Variants in CPNE8 observed in about 807,000 individuals in gnomAD.
CPNE8 encodes copine 8.
A neutral mutation model predicts 81.5 loss-of-function variants in CPNE8; 45 were observed. That is an observed-to-expected ratio of 0.55 (90% CI 0.44 to 0.71). The LOEUF (loss-of-function observed/expected upper bound fraction) is 0.71, where lower values mean the gene tolerates loss of function less well. Ranked by LOEUF, CPNE8 falls within the 30% of genes least tolerant of loss-of-function variation. The probability of loss-of-function intolerance (pLI) is 0.00; values close to 1 mark genes in which losing one functional copy is unlikely to be tolerated. For synonymous variants in CPNE8, 252 were observed against 226.3 expected (o/e 1.11, Z -1.02); for missense variants, 594 against 672.1 (o/e 0.88, Z 1.28).
intron 11 of CPNE8, among the ~76,000 whole-genome samples, chr12:38,727,062 TA>T (rs1166852181): frequency 7.9e-5 from 12 of 152,072 alleles, no homozygotes; most frequent in African/African-American, 2.9e-4. Context: ...AATGATAGAG[TA>T]AGGCCCTCTG....
chr12:38,782,339 G>A (rs1942073147), intron 6 of CPNE8, among the ~76,000 whole-genome samples: 1 of 152,244 alleles, frequency 6.6e-6, no homozygotes, highest in East Asian at 1.9e-4. Flanking sequence ...AATTTTAGAA[G>A]AGGAAAATAT....
chr12:38,745,405 T>C (rs912384176), intron 10 of CPNE8, among the ~76,000 whole-genome samples: 1 of 152,226 alleles, frequency 6.6e-6, no homozygotes, highest in Non-Finnish European at 1.5e-5. Flanking sequence ...GGAATTTTAT[T>C]GCATTCTTGG....
At chr12:38,837,584 G>A (rs566018668) in intron 5 of CPNE8, among the ~76,000 whole-genome samples, 1 of 152,184 alleles carries the variant, frequency 6.6e-6, no homozygotes, top group South Asian at 2.1e-4. Context: ...GGGATAAGAG[G>A]AGGAAATAAA....
At chr12:38,830,758 C>A (rs1332101831) in intron 5 of CPNE8, among the ~76,000 whole-genome samples, 2 of 152,102 alleles carry the variant, frequency 1.3e-5, no homozygotes, top group East Asian at 3.9e-4. Context: ...AAAAGCCAAC[C>A]TATGGTGAGG....
chr12:38,794,915 C>T (rs892615455), intron 6 of CPNE8, among the ~76,000 whole-genome samples: 5 of 152,146 alleles, frequency 3.3e-5, no homozygotes, highest in African/African-American at 9.7e-5. Flanking sequence ...GGGCACCATC[C>T]AATCAATTGT....
chr12:38,741,822 G>T (rs4259868), intron 10 of CPNE8, among the ~76,000 whole-genome samples: 122,547 of 151,908 alleles, frequency 0.81, 52,375 homozygotes, highest in Middle Eastern at 0.97. Flanking sequence ...AAACAAATTT[G>T]CAAGAAAAAA....
At chr12:38,815,335 C>T (rs992414029) in intron 6 of CPNE8, among the ~76,000 whole-genome samples, 2 of 152,168 alleles carry the variant, frequency 1.3e-5, no homozygotes, top group African/African-American at 4.8e-5. Flanking sequence ...TTTATTTTTA[C>T]AATCTCACCT....
chr12:38,786,565 T>C lies in CPNE8; in HGVS notation c.408-10264A>G, dbSNP rs149625263. Reference sequence around the variant, plus strand: ...TGATCCTCAGCCTGCAGATGGCCTATTATGGGACTTTGTGATCGTGTGAGT... The same window carrying C: ...TGATCCTCAGCCTGCAGATGGCCTACTATGGGACTTTGTGATCGTGTGAGT... On this transcript the variant is annotated intron_variant, in intron 6 of 19. Coordinates refer to ENST00000331366, the MANE Select transcript of CPNE8 (RefSeq NM_153634.3). Among the ~76,000 whole-genome samples the C allele has an allele frequency of 3.5e-4, 54 of 152,256 alleles. No individual in the cohort carries two copies. In the East Asian group the frequency reaches 0.01, roughly 29 times the overall value.
At chr12:38,857,488 G>A (rs1485751299) in intron 3 of CPNE8, among the ~76,000 whole-genome samples, 1 of 151,296 alleles carries the variant, frequency 6.6e-6, no homozygotes. Context: ...CTTTATCAAT[G>A]TCGATATTCT....
At chr12:38,731,488 A>C (rs1940830167) in intron 10 of CPNE8, among the ~76,000 whole-genome samples, 2 of 151,916 alleles carry the variant, frequency 1.3e-5, no homozygotes, top group Non-Finnish European at 2.9e-5. Flanking sequence ...TGCAATAAAA[A>C]AATGTTTTTA....
chr12:38,728,953 C>A (rs1481298962), intron 11 of CPNE8, among the ~76,000 whole-genome samples: 1 of 152,050 alleles, frequency 6.6e-6, no homozygotes, highest in Non-Finnish European at 1.5e-5. Flanking sequence ...AACACATAAA[C>A]ATTATTAAGC....
At chr12:38,686,662 T>C (rs1939541714) in intron 15 of CPNE8, among the ~76,000 whole-genome samples, 1 of 152,188 alleles carries the variant, frequency 6.6e-6, no homozygotes, top group African/African-American at 2.4e-5. Context: ...TCTCATGAGG[T>C]TGCATTGAAG....
chr12:38,656,003 C>A (rs1938807226), intron 19 of CPNE8, among the ~76,000 whole-genome samples: 1 of 150,238 alleles, frequency 6.7e-6, no homozygotes, highest in South Asian at 2.1e-4. Flanking sequence ...TAAATGCGAT[C>A]TTCCTTCAGA....
chr12:38,757,091 C>T (rs558449080), intron 10 of CPNE8, among the ~76,000 whole-genome samples: 42 of 152,086 alleles, frequency 2.8e-4, no homozygotes, highest in Non-Finnish European at 5.3e-4. Flanking sequence ...CATTATATTT[C>T]CATTGTACAA....
chr12:38,667,854 A>G (rs940399583), intron 19 of CPNE8, among the ~76,000 whole-genome samples: 1 of 151,304 alleles, frequency 6.6e-6, no homozygotes, highest in African/African-American at 2.4e-5. Flanking sequence ...CTGGAGTGCA[A>G]TGGTATGATC....
intron 1 of CPNE8, among the ~76,000 whole-genome samples, chr12:38,898,241 C>T (rs1944414551): frequency 6.6e-6 from 1 of 152,026 alleles, no homozygotes; most frequent in African/African-American, 2.4e-5. Context: ...CCCTCAGGCC[C>T]CAAATGCTAA....
intron 13 of CPNE8, among the ~76,000 whole-genome samples, chr12:38,707,990 C>T (rs560456839): frequency 6.6e-6 from 1 of 152,246 alleles, no homozygotes; most frequent in Admixed American, 6.5e-5. Context: ...TTATATTGTT[C>T]AATGACAAAG....
intron 15 of CPNE8, among the ~76,000 whole-genome samples, chr12:38,687,231 A>G (rs1939551909): frequency 6.6e-6 from 1 of 152,138 alleles, no homozygotes; most frequent in African/African-American, 2.4e-5. Context: ...TTATAAAGAA[A>G]CCAAGGCAAT....
At position 38,821,665 on chromosome 12, in the gene CPNE8, A is replaced by C. The variant is rs755322039; in HGVS notation, c.407+7714T>G. Among the ~76,000 whole-genome samples, 14 of 152,204 alleles carry C rather than the reference A, an allele frequency of 9.2e-5. 1 individual carries two copies. The highest frequency in any genetic ancestry group is 2.1e-4 in the Non-Finnish European group (14 of 68,026). ...TCTCTCATGACTGGTCATATCCTTT[A>C]CAATCCTTTCCATCCAGAAGAGTTC... On this transcript the variant is annotated intron_variant, in intron 6 of 19. Transcript: ENST00000331366.
Sources: allele counts gnomAD v4.1 joint callset (sites outside exome capture counted in the v4.1 genomes callset), GRCh38; gene constraint gnomAD v4.1.1; transcripts MANE v1.5; gene names NCBI Gene and HGNC (gene_info 2026-07-23, HGNC 2026-07-21).